The following HCRTR2 variants were observed in gnomAD, a reference collection of about 807,000 sequenced individuals.
HCRTR2 encodes orexin receptor type 2.
Under a neutral mutation model 49.0 loss-of-function variants are expected in HCRTR2, and 22 were observed. That is an observed-to-expected ratio of 0.45 (90% CI 0.32 to 0.64). The LOEUF is 0.64. Among genes scored for constraint, HCRTR2 ranks in the 30% least tolerant of loss-of-function variants. The probability of loss-of-function intolerance (pLI) is 0.04; values close to 1 mark genes in which losing one functional copy is unlikely to be tolerated. For synonymous variants in HCRTR2, 236 were observed against 205.3 expected, an observed-to-expected ratio of 1.15 and a Z score of -1.28; for missense variants, 491 against 559.4, an observed-to-expected ratio of 0.88 and a Z score of 1.23.
intron 1 of HCRTR2, among the ~76,000 whole-genome samples, chr6:55,159,296 A>ACAAAAT (rs1386661686): frequency 6.6e-6 from 1 of 151,846 alleles, no homozygotes; most frequent in Non-Finnish European, 1.5e-5. Flanking sequence ...AAAAACAAAA[A>ACAAAAT]CAAAAACAGC....
intron 1 of HCRTR2, among the ~76,000 whole-genome samples, chr6:55,121,629 T>C (rs909436770): frequency 1.3e-5 from 2 of 152,172 alleles, no homozygotes; most frequent in Non-Finnish European, 2.9e-5. Flanking sequence ...TTTTGAGATA[T>C]GTCCCATCAA....
At chr6:55,107,706 T>C (rs908892886) in intron 1 of HCRTR2, among the ~76,000 whole-genome samples, 2 of 152,274 alleles carry the variant, frequency 1.3e-5, no homozygotes, top group South Asian at 2.1e-4. Flanking sequence ...TACACATACA[T>C]AAATTTCAAA....
chr6:55,175,809 A>G (rs182393940), intron 1 of HCRTR2, among the ~76,000 whole-genome samples: 1 of 152,196 alleles, frequency 6.6e-6, no homozygotes, highest in Admixed American at 6.5e-5. Context: ...GAAGGGAGGG[A>G]TAACTTGAAA....
intron 1 of HCRTR2, among the ~76,000 whole-genome samples, chr6:55,155,516 T>C (rs1279197478): frequency 6.6e-6 from 1 of 151,986 alleles, no homozygotes; most frequent in Non-Finnish European, 1.5e-5. Flanking sequence ...GATGATAATT[T>C]TGCTGTTGTC....
chr6:55,262,674 T>A (rs1242786201), intron 3 of HCRTR2, among the ~76,000 whole-genome samples: 1 of 140,708 alleles, frequency 7.1e-6, no homozygotes, highest in East Asian at 2.0e-4. Context: ...ATATAATATA[T>A]AAAATATATA....
chr6:55,176,261 T>A (rs1398785547), intron 1 of HCRTR2, among the ~76,000 whole-genome samples: 1 of 152,236 alleles, frequency 6.6e-6, no homozygotes, highest in Non-Finnish European at 1.5e-5. Context: ...AGTACATTTT[T>A]AAATATTATT....
At chr6:55,174,918 G>A in intron 1 of HCRTR2, 108 bp downstream of exon 1, 1 of 811,912 alleles carries the variant, frequency 1.2e-6, no homozygotes, top group Non-Finnish European at 2.1e-6. Context: ...AAACAAAGAG[G>A]TCGCTGCTCT....
intron 1 of HCRTR2, among the ~76,000 whole-genome samples, chr6:55,121,971 G>A (rs764507549): frequency 1.6e-4 from 25 of 152,156 alleles, no homozygotes; most frequent in Non-Finnish European, 2.2e-4. Flanking sequence ...GATGATGGTG[G>A]CCTCATAAAA....
intron 1 of HCRTR2, among the ~76,000 whole-genome samples, chr6:55,154,485 G>A (rs1378017184): frequency 1.3e-5 from 2 of 151,716 alleles, no homozygotes; most frequent in East Asian, 3.9e-4. Flanking sequence ...AATTGAATGT[G>A]ATATACCACT....
chr6:55,127,485 G>T (rs1234315191), intron 1 of HCRTR2, among the ~76,000 whole-genome samples: 2 of 152,136 alleles, frequency 1.3e-5, no homozygotes, highest in Non-Finnish European at 2.9e-5. Context: ...GACTTGCTGG[G>T]AGCTGCAGAC....
chr6:55,122,386 G>A (rs200961064), intron 1 of HCRTR2, among the ~76,000 whole-genome samples: 2 of 151,856 alleles, frequency 1.3e-5, no homozygotes, highest in Non-Finnish European at 2.9e-5. Flanking sequence ...AGCGATCTAT[G>A]AATTTTGTTT....
intron 1 of HCRTR2, among the ~76,000 whole-genome samples, chr6:55,237,676 C>T (rs937500036): frequency 1.3e-5 from 2 of 152,128 alleles, no homozygotes; most frequent in East Asian, 3.9e-4. Context: ...CTTTGATGTC[C>T]CTTCTGCCTT....
intron 1 of HCRTR2, among the ~76,000 whole-genome samples, chr6:55,167,400 C>T (rs1764892283): frequency 6.6e-6 from 1 of 152,014 alleles, no homozygotes; most frequent in African/African-American, 2.4e-5. Flanking sequence ...TTTCACAACA[C>T]AATGGATCAT....
chr6:55,266,172 T>C (rs1766856656), intron 4 of HCRTR2, among the ~76,000 whole-genome samples: 1 of 152,202 alleles, frequency 6.6e-6, no homozygotes. Flanking sequence ...TCTCAACTAA[T>C]TGTACTTACA....
At chr6:55,164,334 T>C (rs148714317) in intron 1 of HCRTR2, among the ~76,000 whole-genome samples, 4,457 of 152,310 alleles carry the variant, frequency 0.029, 91 homozygotes, top group African/African-American at 0.066. Flanking sequence ...TGTATGTTTA[T>C]TGTGGCACTA....
At chr6:55,165,789 A>ATATATATATATATT (rs1764869655) in intron 1 of HCRTR2, among the ~76,000 whole-genome samples, 1 of 140,842 alleles carries the variant, frequency 7.1e-6, no homozygotes, top group Non-Finnish European at 1.5e-5. Flanking sequence ...ATATATATAT[A>ATATATATATATATT]CTCTTACACC....
chr6:55,212,946 C>T (rs1765721909), intron 1 of HCRTR2, among the ~76,000 whole-genome samples: 1 of 152,032 alleles, frequency 6.6e-6, no homozygotes, highest in South Asian at 2.1e-4. Context: ...CTCATGTGTC[C>T]ATTGGGGATA....
intron 1 of HCRTR2, among the ~76,000 whole-genome samples, chr6:55,142,301 A>G (rs1268977515): frequency 6.6e-6 from 1 of 150,938 alleles, no homozygotes; most frequent in African/African-American, 2.4e-5. Flanking sequence ...GGTTCAAGCC[A>G]TTCTCCTGCC....
chr6:55,240,806 T>A (rs568934256), intron 1 of HCRTR2: 23 of 420,682 alleles, frequency 5.5e-5, no homozygotes, highest in African/African-American at 3.3e-4. Context: ...TCAAGGTAGG[T>A]TTTTTGAAAA....
Sources: allele counts gnomAD v4.1 joint callset (sites outside exome capture counted in the v4.1 genomes callset), GRCh38; gene constraint gnomAD v4.1.1; transcripts MANE v1.5; gene names NCBI Gene and HGNC (gene_info 2026-07-23, HGNC 2026-07-21).